The following SH2D1A variants were observed in gnomAD, a reference collection of about 807,000 sequenced individuals.
SH2D1A encodes SH2 domain containing 1A.
In SH2D1A, 6 loss-of-function variants were observed where a neutral mutation model predicts 10.1. The ratio of observed to expected loss-of-function variants is 0.60; its 90% CI spans 0.33 to 1.18. SH2D1A has a LOEUF of 1.18. Among genes scored for constraint, SH2D1A ranks in the 50% most tolerant of loss-of-function variants. The pLI is 0.04. For synonymous variants in SH2D1A, 42 were observed against 36.9 expected (o/e 1.14, Z -0.51); for missense variants, 51 against 97.6 (o/e 0.52, Z 2.01).
intron 1 of SH2D1A, among the ~76,000 whole-genome samples, chrX:124,347,921 G>A (rs1011945751): frequency 9.0e-6 from 1 of 111,164 alleles, no homozygotes; most frequent in South Asian, 3.8e-4. Flanking sequence ...GCCCTGCATT[G>A]TAGGTTCTAG....
intron 2 of SH2D1A, among the ~76,000 whole-genome samples, chrX:124,368,557 C>T (rs900465231): frequency 4.4e-5 from 5 of 112,366 alleles, no homozygotes; most frequent in Non-Finnish European, 9.4e-5. Flanking sequence ...ACCCTAGCTT[C>T]GCTAGATCCT....
Position 124,346,641 on chromosome X carries a change from C to T in SH2D1A, c.-2C>T. 4.1e-6 allele frequency: 5 copies of T among 1,211,509 alleles called. No individual in the cohort carries two copies. The highest frequency in any genetic ancestry group is 5.6e-6 in the Non-Finnish European group (5 of 895,108). ...TCGGCCTGCCCAAGAGTCCACCAGG[C>T]CATGGACGCAGTGGCTGTGTATCAT... On this transcript the variant is annotated 5_prime_UTR_variant, in exon 1 of 4. Coordinates refer to ENST00000371139, the MANE Select transcript of SH2D1A (RefSeq NM_002351.5).
At chrX:124,357,814 TTTTTA>T (rs1181257520) in intron 1 of SH2D1A, among the ~76,000 whole-genome samples, 4 of 110,530 alleles carry the variant, frequency 3.6e-5, no homozygotes, top group East Asian at 5.6e-4. Context: ...CCTTTGCCCA[TTTTTA>T]TTTTATTTTA....
At chrX:124,357,062 G>A (rs2060028196) in intron 1 of SH2D1A, among the ~76,000 whole-genome samples, 1 of 111,270 alleles carries the variant, frequency 9.0e-6, no homozygotes, top group Non-Finnish European at 1.9e-5. Flanking sequence ...TTGCCACGTT[G>A]TACAATAGAT....
intron 1 of SH2D1A, among the ~76,000 whole-genome samples, chrX:124,360,445 T>TAAAAAAAAAAA (rs752399450): frequency 3.1e-5 from 1 of 31,983 alleles, no homozygotes; most frequent in Non-Finnish European, 5.2e-5. Context: ...CTGCAAAAAC[T>TAAAAAAAAAAA]AAAAAAAAAA....
Position 124,371,670 on chromosome X carries a change from TTAA to T in SH2D1A, c.*281_*283del, listed in dbSNP as rs890837822. On this transcript the variant is annotated 3_prime_UTR_variant, in exon 4 of 4. Transcript: ENST00000371139. ...AGGATAATGAATACTTTATAAAGGA[TTAA>T]TGTCAATTCTTGCCAAATATAAATA... 20 of 211,335 alleles carry T rather than the reference TTAA, an allele frequency of 9.5e-5. No homozygotes were observed. 17.4% of individuals were successfully genotyped at this position (211,335 alleles called of 1,213,427 possible).
chrX:124,363,916 A>AAAAAAAAAAAAG (rs1569527532), intron 1 of SH2D1A, among the ~76,000 whole-genome samples: 6 of 85,084 alleles, frequency 7.1e-5, no homozygotes, highest in Admixed American at 1.3e-4. Flanking sequence ...AAAAAAAAAA[A>AAAAAAAAAAAAG]GAAAGAAAAA....
intron 1 of SH2D1A, among the ~76,000 whole-genome samples, chrX:124,356,104 C>G (rs2147525732): frequency 1.0e-5 from 1 of 97,953 alleles, no homozygotes; most frequent in Admixed American, 1.2e-4. Flanking sequence ...CTTCCTGTGT[C>G]CAAGTGTTCT....
At chrX:124,351,288 A>G (rs1001586074) in intron 1 of SH2D1A, among the ~76,000 whole-genome samples, 1 of 107,405 alleles carries the variant, frequency 9.3e-6, no homozygotes, top group Non-Finnish European at 1.9e-5. Context: ...AGTATACCAT[A>G]TTTTGCTTAG....
intron 2 of SH2D1A, among the ~76,000 whole-genome samples, chrX:124,366,837 C>CT (rs1341049864): frequency 1.9e-5 from 2 of 105,423 alleles, no homozygotes; most frequent in Non-Finnish European, 3.9e-5. Flanking sequence ...AGAAATTAAA[C>CT]TTTATTATGA....
chrX:124,366,876 A>AACACAC (rs59536671), intron 2 of SH2D1A, among the ~76,000 whole-genome samples: 1,683 of 87,066 alleles, frequency 0.019, 28 homozygotes, highest in East Asian at 0.063. Context: ...TATACTGACA[A>AACACAC]ACACACACAC....
chrX:124,355,885 A>ATTTTTT (rs1311952144), intron 1 of SH2D1A, among the ~76,000 whole-genome samples: 1 of 110,261 alleles, frequency 9.1e-6, no homozygotes, highest in Non-Finnish European at 1.9e-5. Flanking sequence ...CTGTCATTTT[A>ATTTTTT]TTTTTTTATT....
intron 1 of SH2D1A, among the ~76,000 whole-genome samples, chrX:124,364,939 T>C (rs2060050360): frequency 1.8e-5 from 2 of 110,811 alleles, no homozygotes; most frequent in South Asian, 7.7e-4. Flanking sequence ...ATAGCATTCT[T>C]TATCTTTTAT....
chrX:124,358,654 A>T (rs1183536765), intron 1 of SH2D1A, among the ~76,000 whole-genome samples: 1 of 112,480 alleles, frequency 8.9e-6, no homozygotes, highest in Non-Finnish European at 1.9e-5. Flanking sequence ...AGACTGAATG[A>T]CTACGGAGGA....
At chrX:124,363,906 AAAAAAAAAAAGAAAG>A (rs2060046907) in intron 1 of SH2D1A, among the ~76,000 whole-genome samples, 1 of 106,047 alleles carries the variant, frequency 9.4e-6, no homozygotes, top group Non-Finnish European at 1.9e-5. Context: ...AAAAAAAAAA[AAAAAAAAAAAGAAAG>A]AAAAAGAAAA....
In SH2D1A at chrX:124,346,623, G is replaced by A. The variant is rs2147519327; in HGVS notation, c.-20G>A. The stretch of plus-strand genomic sequence containing the variant: ...CTTGCACAGTTCTCCTCCTCGGCCT[G>A]CCCAAGAGTCCACCAGGCCATGGAC... On this transcript the variant is annotated 5_prime_UTR_variant, in exon 1 of 4. Transcript: ENST00000371139. 8.3e-7 allele frequency: 1 copy of A among 1,211,339 alleles called. No homozygotes were observed.
chrX:124,365,652 A>G, intron 1 of SH2D1A, 109 bp from the exon 2 acceptor site: 1 of 571,850 alleles, frequency 1.7e-6, no homozygotes, highest in East Asian at 3.3e-5. Flanking sequence ...ATGACACCAT[A>G]TACGTGTGTC....
chrX:124,348,160 G>A (rs1245338024), intron 1 of SH2D1A, among the ~76,000 whole-genome samples: 1 of 111,777 alleles, frequency 8.9e-6, no homozygotes, highest in African/African-American at 3.3e-5. Context: ...ATACGTGGAA[G>A]CTATTGAATG....
In SH2D1A at chrX:124,346,759, C is replaced by A; in HGVS notation, c.117C>A (p.Gly39=). 3 of 1,211,429 alleles carry A rather than the reference C, an allele frequency of 2.5e-6. No individual in the cohort carries two copies. Among genetic ancestry groups the A allele is most frequent in the Non-Finnish European group, 3.4e-6 (3 of 895,223 alleles). Residue 39 remains glycine (G), a synonymous_variant, in exon 1 of 4, where the codon GGC becomes GGA. Transcript: ENST00000371139. ...YLLRDSESVP[G]VYCLCVLYHG... Reference sequence around the variant, plus strand: ...TGAGGGACAGCGAGAGCGTGCCAGGCGTGTACTGCCTATGTGTGCTGTGAG... The same window carrying A: ...TGAGGGACAGCGAGAGCGTGCCAGGAGTGTACTGCCTATGTGTGCTGTGAG...
Sources: allele counts gnomAD v4.1 joint callset (sites outside exome capture counted in the v4.1 genomes callset), GRCh38; gene constraint gnomAD v4.1.1; transcripts MANE v1.5; gene names NCBI Gene and HGNC (gene_info 2026-07-23, HGNC 2026-07-21).